Variants in ATRNL1 observed in about 807,000 individuals in gnomAD.
ATRNL1 encodes the protein attractin like 1.
In ATRNL1, 95 loss-of-function variants were observed where a neutral mutation model predicts 182.7. That is an observed-to-expected ratio of 0.52 (90% CI 0.44 to 0.62). The LOEUF (loss-of-function observed/expected upper bound fraction) is 0.62, where lower values mean the gene tolerates loss of function less well. Among genes scored for constraint, ATRNL1 ranks in the 20% least tolerant of loss-of-function variants. ATRNL1 has a pLI of 0.00. For synonymous variants in ATRNL1, 576 were observed against 568.3 expected (o/e 1.01, Z -0.19); for missense variants, 1,471 against 1,679.5 (o/e 0.88, Z 2.17).
At chr10:115,198,885 A>G (rs1215232338) in intron 8 of ATRNL1, among the ~76,000 whole-genome samples, 1 of 152,146 alleles carries the variant, frequency 6.6e-6, no homozygotes, top group Admixed American at 6.6e-5. Flanking sequence ...TGCCTGTACA[A>G]TGTTGTTTTC....
chr10:115,890,055 A>G (rs1952042641), intron 28 of ATRNL1, among the ~76,000 whole-genome samples: 1 of 152,216 alleles, frequency 6.6e-6, no homozygotes. Context: ...ATATACTCAT[A>G]TATGTTTGCA....
intron 18 of ATRNL1, among the ~76,000 whole-genome samples, chr10:115,318,570 T>A (rs1236351750): frequency 6.6e-6 from 1 of 152,134 alleles, no homozygotes; most frequent in Non-Finnish European, 1.5e-5. Context: ...TTCAGAACTG[T>A]TACTGGTCTA....
chr10:115,587,191 T>G (rs1555010289), intron 26 of ATRNL1, among the ~76,000 whole-genome samples: 2 of 150,770 alleles, frequency 1.3e-5, no homozygotes, highest in African/African-American at 4.8e-5. Context: ...TCTGCAGAGG[T>G]TACTGCTGTC....
intron 26 of ATRNL1, among the ~76,000 whole-genome samples, chr10:115,718,269 T>C (rs1016554228): frequency 5.9e-5 from 9 of 152,214 alleles, no homozygotes; most frequent in African/African-American, 2.2e-4. Flanking sequence ...TAAAGCACTT[T>C]CCCTCTGCAC....
Position 115,836,181 on chromosome 10 carries a change from G to T in ATRNL1, c.3904-11696G>T, listed in dbSNP as rs139257476. The stretch of plus-strand genomic sequence containing the variant: ...GAATCTCCCTCTTGACCTTTGTGTG[G>T]GCTGCATTTGCCATGCTATGTGATA... On this transcript the variant is annotated intron_variant, in intron 27 of 28. Coordinates refer to ENST00000355044, the MANE Select transcript of ATRNL1 (RefSeq NM_207303.4). 2.6e-3 allele frequency among the ~76,000 whole-genome samples: 393 copies of T among 152,200 alleles called. 3 individuals carry two copies. The highest frequency in any genetic ancestry group is 0.017 in the Middle Eastern group (5 of 294).
intron 28 of ATRNL1, among the ~76,000 whole-genome samples, chr10:115,903,464 C>T (rs1952413377): frequency 6.6e-6 from 1 of 152,172 alleles, no homozygotes; most frequent in Non-Finnish European, 1.5e-5. Context: ...TCATACTGAC[C>T]TGGAAAATGC....
chr10:115,335,926 G>C (rs903980265), intron 19 of ATRNL1, among the ~76,000 whole-genome samples: 4 of 152,148 alleles, frequency 2.6e-5, no homozygotes, highest in South Asian at 2.1e-4. Flanking sequence ...AGTATGTTGG[G>C]TGACAAATAA....
chr10:115,310,040 G>T (rs1465361831), intron 17 of ATRNL1, among the ~76,000 whole-genome samples: 2 of 152,056 alleles, frequency 1.3e-5, no homozygotes, highest in African/African-American at 4.8e-5. Context: ...TGCCTAGTTT[G>T]TTGAGGGTTT....
At chr10:115,435,027 G>A (rs1272071413) in intron 21 of ATRNL1, among the ~76,000 whole-genome samples, 3 of 149,770 alleles carry the variant, frequency 2.0e-5, no homozygotes, top group Non-Finnish European at 4.4e-5. Flanking sequence ...TAAAACCTGG[G>A]ACTTTTTTTT....
intron 8 of ATRNL1, among the ~76,000 whole-genome samples, chr10:115,193,741 T>G (rs1554890413): frequency 1.1e-4 from 16 of 151,840 alleles, no homozygotes; most frequent in Non-Finnish European, 2.4e-4. Context: ...CTTCTACTAA[T>G]TTTGGGTTTG....
intron 24 of ATRNL1, among the ~76,000 whole-genome samples, chr10:115,497,877 C>T (rs574038770): frequency 5.0e-4 from 76 of 151,374 alleles, no homozygotes; most frequent in African/African-American, 1.7e-3. Flanking sequence ...AGGATGGTGT[C>T]GATCTCCTGA....
intron 20 of ATRNL1, among the ~76,000 whole-genome samples, chr10:115,410,161 A>C (rs1554959536): frequency 6.6e-6 from 1 of 152,052 alleles, no homozygotes; most frequent in African/African-American, 2.4e-5. Context: ...AATGTCCATC[A>C]GTGATATTAG....
chr10:115,331,932 G>A (rs1161711661), intron 18 of ATRNL1, among the ~76,000 whole-genome samples: 1 of 152,118 alleles, frequency 6.6e-6, no homozygotes, highest in Non-Finnish European at 1.5e-5. Flanking sequence ...TGACATTGTG[G>A]CACTCATAAA....
chr10:115,893,196 G>T (rs1555111688), intron 28 of ATRNL1, among the ~76,000 whole-genome samples: 1 of 152,166 alleles, frequency 6.6e-6, no homozygotes, highest in African/African-American at 2.4e-5. Context: ...TTAGGCATGA[G>T]GTTGAGGGAA....
intron 21 of ATRNL1, among the ~76,000 whole-genome samples, chr10:115,432,143 A>AT (rs1324785840): frequency 1.3e-5 from 2 of 152,096 alleles, no homozygotes; most frequent in Non-Finnish European, 2.9e-5. Context: ...CACATCTAAA[A>AT]TTTTTTCATT....
intron 8 of ATRNL1, among the ~76,000 whole-genome samples, chr10:115,190,534 G>A (rs1031884298): frequency 4.0e-5 from 6 of 151,860 alleles, no homozygotes; most frequent in East Asian, 1.9e-4. Flanking sequence ...GAAGAAATAC[G>A]CACTCCCTAT....
chr10:115,572,401 G>C (rs1237142708), intron 26 of ATRNL1, among the ~76,000 whole-genome samples: 2 of 151,922 alleles, frequency 1.3e-5, no homozygotes, highest in African/African-American at 4.8e-5. Flanking sequence ...CAAATATATT[G>C]TCACTGCTGA....
intron 10 of ATRNL1, among the ~76,000 whole-genome samples, chr10:115,243,530 G>A (rs1294380566): frequency 1.3e-5 from 2 of 152,052 alleles, no homozygotes; most frequent in Non-Finnish European, 2.9e-5. Flanking sequence ...ACTTGCCAAA[G>A]CCATGCAGGT....
At chr10:115,382,308 T>G (rs1554951408) in intron 19 of ATRNL1, among the ~76,000 whole-genome samples, 1 of 152,120 alleles carries the variant, frequency 6.6e-6, no homozygotes, top group Non-Finnish European at 1.5e-5. Context: ...ATATTAATTC[T>G]TCTTATCCAT....
Sources: allele counts gnomAD v4.1 joint callset (sites outside exome capture counted in the v4.1 genomes callset), GRCh38; gene constraint gnomAD v4.1.1; transcripts MANE v1.5; gene names NCBI Gene and HGNC (gene_info 2026-07-23, HGNC 2026-07-21).